The following NUDCD3 variants were observed in gnomAD, a reference collection of about 807,000 sequenced individuals.
NUDCD3 encodes nudC domain-containing protein 3.
NUDCD3 carries 13 observed loss-of-function variants against 39.7 expected under a neutral mutation model. That is an observed-to-expected ratio of 0.33 (90% CI 0.21 to 0.52). NUDCD3 has a LOEUF of 0.52. Ranked by LOEUF, NUDCD3 falls within the 20% of genes least tolerant of loss-of-function variation. The probability of loss-of-function intolerance (pLI) is 0.96; values close to 1 mark genes in which losing one functional copy is unlikely to be tolerated. For missense variants in NUDCD3, 453 were observed against 458.1 expected (o/e 0.99, Z 0.10); for synonymous variants, 175 against 172.4 (o/e 1.02, Z -0.12).
intron 4 of NUDCD3, among the ~76,000 whole-genome samples, chr7:44,394,994 T>C (rs1798596749): frequency 6.6e-6 from 1 of 152,214 alleles, no homozygotes; most frequent in South Asian, 2.1e-4. Flanking sequence ...TGTCCACAAG[T>C]GTACTTTGGA....
rs1344444721 is a variant in NUDCD3, at chr7:44,380,427, A to G, written c.*5584T>C. On this transcript the variant is annotated 3_prime_UTR_variant, in exon 6 of 6. Transcript: ENST00000355451. ...TGGAGTCACAAAATCCCTTCTTTGC[A>G]TTACCAAAAGAGGTGGTCACTCAGG... 6.6e-6 allele frequency: 1 copy of G among 152,180 alleles called. No individual in the cohort carries two copies. The highest frequency in any genetic ancestry group is 2.4e-5 in the African/African-American group (1 of 41,406). 9.4% of individuals were successfully genotyped at this position (152,180 alleles called of 1,614,324 possible).
intron 3 of NUDCD3, among the ~76,000 whole-genome samples, chr7:44,416,316 TG>T (rs915257268): frequency 6.6e-6 from 1 of 152,038 alleles, no homozygotes; most frequent in African/African-American, 2.4e-5. Context: ...CTCAAATTCC[TG>T]GGCTCAAGCA....
chr7:44,432,961 G>T (rs1442436534), intron 2 of NUDCD3, among the ~76,000 whole-genome samples: 1 of 152,202 alleles, frequency 6.6e-6, no homozygotes, highest in Non-Finnish European at 1.5e-5. Flanking sequence ...TAACCCCGAA[G>T]GTGATGGCAG....
chr7:44,470,749 C>CA (rs1344881082), intron 2 of NUDCD3, among the ~76,000 whole-genome samples: 1 of 152,200 alleles, frequency 6.6e-6, no homozygotes, highest in East Asian at 1.9e-4. Context: ...GTCTGGAAGA[C>CA]AGAGAAGTGG....
At chr7:44,419,038 T>C (rs1403236570) in intron 3 of NUDCD3, among the ~76,000 whole-genome samples, 1 of 151,896 alleles carries the variant, frequency 6.6e-6, no homozygotes, top group Non-Finnish European at 1.5e-5. Flanking sequence ...TTGGTTTTTG[T>C]TTTTGTTTTC....
At chr7:44,419,366 G>A (rs541777994) in intron 3 of NUDCD3, among the ~76,000 whole-genome samples, 284 of 152,266 alleles carry the variant, frequency 1.9e-3, no homozygotes, top group Non-Finnish European at 3.2e-3. Context: ...CATCTCCCTG[G>A]GACAGAGCAC....
chr7:44,387,152 G>T (rs1388377780), intron 5 of NUDCD3, among the ~76,000 whole-genome samples: 1 of 152,096 alleles, frequency 6.6e-6, no homozygotes, highest in African/African-American at 2.4e-5. Flanking sequence ...TAACAAGAGG[G>T]TTTTCTTTTT....
chr7:44,456,025 CA>C (rs1233592095), intron 2 of NUDCD3, among the ~76,000 whole-genome samples: 60 of 28,496 alleles, frequency 2.1e-3, no homozygotes, highest in East Asian at 0.01. Context: ...GACTCCGTCT[CA>C]AAAAAAAAAA....
chr7:44,489,371 T>C (rs942745902), intron 1 of NUDCD3, among the ~76,000 whole-genome samples: 4 of 152,198 alleles, frequency 2.6e-5, no homozygotes, highest in Non-Finnish European at 5.9e-5. Context: ...TTTGGCCCTA[T>C]TACCCTGGTA....
intron 2 of NUDCD3, 61 bp from the exon 3 acceptor site, chr7:44,427,764 C>A: frequency 3.2e-6 from 5 of 1,567,592 alleles, no homozygotes; most frequent in Non-Finnish European, 4.3e-6. Context: ...ACCCCATGGG[C>A]AGCCTAGCCC....
intron 2 of NUDCD3, 152 bp from the exon 3 acceptor site, chr7:44,427,855 T>C (rs1799268655): frequency 5.4e-6 from 4 of 735,250 alleles, no homozygotes; most frequent in Admixed American, 2.9e-5. Flanking sequence ...CAAACTCCTC[T>C]TCTTTTCAGG....
intron 2 of NUDCD3, among the ~76,000 whole-genome samples, chr7:44,436,335 G>A (rs1003518539): frequency 7.2e-5 from 11 of 152,212 alleles, no homozygotes; most frequent in Non-Finnish European, 1.6e-4. Context: ...ACCATGTCGT[G>A]TTGCTAAGTG....
In NUDCD3 at chr7:44,392,352, C is replaced by G; in HGVS notation, c.920G>C (p.Arg307Thr). The change falls in exon 5 of 6, where the codon AGG becomes ACG. Residue 307 changes from arginine (R) to threonine (T), a missense_variant. Transcript: ENST00000355451. ...CTTCTGGTGGTAGTCAAAGGTAAGC[C>G]TGTCCAACACCGCCTGTTCCTCCTC... Reference protein sequence around the residue: ...VDEEEQAVLDRLTFDYHQKLQ... With the variant: ...VDEEEQAVLDTLTFDYHQKLQ... The G allele has an allele frequency of 1.9e-6, 3 of 1,614,212 alleles. No individual in the cohort carries two copies. The highest frequency in any genetic ancestry group is 2.5e-6 in the Non-Finnish European group (3 of 1,180,030).
chr7:44,414,718 T>G (rs1165674924), intron 3 of NUDCD3, among the ~76,000 whole-genome samples: 1 of 152,180 alleles, frequency 6.6e-6, no homozygotes, highest in African/African-American at 2.4e-5. Flanking sequence ...AATAATGCAG[T>G]CTATTAGTCT....
At chr7:44,452,509 C>T (rs1045023789) in intron 2 of NUDCD3, among the ~76,000 whole-genome samples, 2 of 152,320 alleles carry the variant, frequency 1.3e-5, no homozygotes, top group African/African-American at 4.8e-5. Context: ...AGGCCCTCCA[C>T]CAGGACTATC....
intron 1 of NUDCD3, among the ~76,000 whole-genome samples, chr7:44,485,816 A>T (rs1416757470): frequency 6.6e-6 from 1 of 152,252 alleles, no homozygotes; most frequent in Non-Finnish European, 1.5e-5. Context: ...AAAAAACATC[A>T]AAATGATTTC....
chr7:44,391,530 G>T (rs551657383), intron 5 of NUDCD3, among the ~76,000 whole-genome samples: 2 of 152,264 alleles, frequency 1.3e-5, no homozygotes, highest in African/African-American at 4.8e-5. Flanking sequence ...GAGGCGGTCC[G>T]TGTTTACAGA....
At position 44,444,422 on chromosome 7, in the gene NUDCD3, C is replaced by T. The variant is rs551277031; in HGVS notation, c.510-16719G>A. Among the ~76,000 whole-genome samples the T allele has an allele frequency of 1.2e-4, 18 of 152,306 alleles. No homozygotes were observed. In the East Asian group the frequency reaches 3.5e-3, roughly 29 times the overall value. On this transcript the variant is annotated intron_variant, in intron 2 of 5. Coordinates refer to ENST00000355451, the MANE Select transcript of NUDCD3 (RefSeq NM_015332.4). ...GAAGGTGGATGTAAAGAACAGAAAG[C>T]TTTTCTGGCTGGGAGACAGGGCCCA...
chr7:44,433,792 TA>T, intron 2 of NUDCD3, among the ~76,000 whole-genome samples: 1 of 152,260 alleles, frequency 6.6e-6, no homozygotes, highest in Middle Eastern at 3.4e-3. Context: ...GTGATTACAT[TA>T]TTCTCAACAA....
Sources: gnomAD v4.1 joint callset for allele counts (sites outside exome capture counted in the v4.1 genomes callset) on GRCh38, gnomAD v4.1.1 for gene constraint, MANE v1.5 for transcripts, NCBI Gene and HGNC (gene_info 2026-07-23, HGNC 2026-07-21) for gene names.